Variants in EIF2AK3 observed in about 807,000 individuals in gnomAD.
EIF2AK3 encodes the protein eukaryotic translation initiation factor 2 alpha kinase 3.
EIF2AK3 carries 50 observed loss-of-function variants against 113.5 expected under a neutral mutation model. The observed-to-expected ratio is 0.44, with a 90% CI of 0.35 to 0.56. EIF2AK3 has a LOEUF of 0.56. Ranked by LOEUF, EIF2AK3 falls within the 20% of genes least tolerant of loss-of-function variation. EIF2AK3 has a pLI of 0.00. For synonymous variants in EIF2AK3, 448 were observed against 495.4 expected (o/e 0.90, Z 1.27); for missense variants, 1,185 against 1,378.0 (o/e 0.86, Z 2.22).
chr2:88,576,091 G>A (rs1674450207), intron 12 of EIF2AK3, among the ~76,000 whole-genome samples: 1 of 152,216 alleles, frequency 6.6e-6, no homozygotes, highest in Non-Finnish European at 1.5e-5. Context: ...AAAAGGAGCT[G>A]TAAATTGTTA....
Position 88,574,680 on chromosome 2 carries a change from G to C in EIF2AK3, c.2803C>G (p.His935Asp), listed in dbSNP as rs781534136. Residue 935 changes from histidine (H) to aspartate (D), a missense_variant, in exon 13 of 17, where the codon CAC (histidine) becomes GAC (aspartate). Around this residue, in one of 3 missense-constraint regions of EIF2AK3, gnomAD observed 877 missense variants for 1,024.2 expected, o/e 0.86. Transcript: ENST00000303236. ...VEFLHSKGLM[H>D]RDLKPSNIFF... ...CAAATACAGACCTTGAGGTCCCTGT[G>C]CATCAGTCCTTTACTGTGAAGAAAC... 1 of 1,614,108 alleles carries C rather than the reference G, an allele frequency of 6.2e-7. No individual in the cohort carries two copies. The highest frequency in any genetic ancestry group is 8.5e-7 in the Non-Finnish European group (1 of 1,179,990).
intron 12 of EIF2AK3, 23 bp from the exon 13 acceptor site, chr2:88,575,469 G>C (rs1304066721): frequency 1.2e-6 from 2 of 1,601,440 alleles, no homozygotes; most frequent in Non-Finnish European, 1.7e-6. Context: ...GAAATACAAA[G>C]GGGTAAGAGT....
Position 88,610,952 on chromosome 2 carries a change from TG to T in EIF2AK3, c.438+2771del, listed in dbSNP as rs577207558. Among the ~76,000 whole-genome samples, 13 of 152,168 alleles carry T rather than the reference TG, an allele frequency of 8.5e-5. No homozygotes were observed. In the South Asian group the frequency reaches 2.7e-3, roughly 32 times the overall value. ...CTGTAGTCCCAGCTACTCAGGAGGC[TG>T]AGGCAGGAGGATTGCTTGAGCCCAG... On this transcript the variant is annotated intron_variant, in intron 2 of 16. Coordinates refer to ENST00000303236, the MANE Select transcript of EIF2AK3 (RefSeq NM_004836.7).
chr2:88,590,779 G>A, intron 5 of EIF2AK3, 39 bp downstream of exon 5: 2 of 1,608,492 alleles, frequency 1.2e-6, no homozygotes, highest in Non-Finnish European at 1.7e-6. Context: ...GACTGGGAGA[G>A]GAAGAACCGT....
chr2:88,607,400 A>G (rs567360598), intron 2 of EIF2AK3, among the ~76,000 whole-genome samples: 2 of 152,348 alleles, frequency 1.3e-5, no homozygotes, highest in Admixed American at 6.5e-5. Context: ...TTAGAACCTA[A>G]GCACATCTGT....
In EIF2AK3 at chr2:88,576,591, G is replaced by C. The variant is rs1336637096; in HGVS notation, c.1999C>G (p.Gln667Glu). The stretch of plus-strand genomic sequence containing the variant: ...AGCCAAATTTCATCCATCTTTTCTT[G>C]CCACTTCTCTGGTGGTGCTTCGAGC... ...AWLEAPPEKW[Q>E]EKMDEIWLKD... The change falls in exon 12 of 17, where the codon CAA (glutamine) becomes GAA (glutamate). Residue 667 changes from glutamine to glutamate, a missense_variant. Transcript: ENST00000303236. 6.2e-7 allele frequency: 1 copy of C among 1,613,836 alleles called. No individual in the cohort carries two copies. The highest frequency in any genetic ancestry group is 1.1e-5 in the South Asian group (1 of 91,052).
At chr2:88,588,663 C>T in intron 7 of EIF2AK3, 98 bp downstream of exon 7, 2 of 1,230,614 alleles carry the variant, frequency 1.6e-6, no homozygotes, top group East Asian at 2.4e-5. Flanking sequence ...AAGTATATAA[C>T]AGTTCTTATC....
chr2:88,569,247 G>C (rs1414883524), intron 14 of EIF2AK3, among the ~76,000 whole-genome samples: 2 of 151,678 alleles, frequency 1.3e-5, no homozygotes, highest in Non-Finnish European at 2.9e-5. Flanking sequence ...TCACGCCTGT[G>C]ATCCCAGCAC....
intron 1 of EIF2AK3, among the ~76,000 whole-genome samples, chr2:88,615,207 C>A (rs1359901358): frequency 6.6e-6 from 1 of 152,218 alleles, no homozygotes; most frequent in African/African-American, 2.4e-5. Flanking sequence ...TCCACACTCC[C>A]ATCTACCGCC....
At chr2:88,573,450 C>T (rs763248341) in intron 13 of EIF2AK3, among the ~76,000 whole-genome samples, 3 of 152,134 alleles carry the variant, frequency 2.0e-5, no homozygotes, top group Non-Finnish European at 4.4e-5. Flanking sequence ...CTGTTTCCCA[C>T]CTAGTGATAA....
intron 1 of EIF2AK3, among the ~76,000 whole-genome samples, chr2:88,621,428 T>C (rs185630570): frequency 2.0e-5 from 3 of 152,350 alleles, no homozygotes. Context: ...ATGGATTAAA[T>C]AGTTTCTACA....
At chr2:88,603,126 A>G (rs908802956) in intron 2 of EIF2AK3, among the ~76,000 whole-genome samples, 1 of 152,186 alleles carries the variant, frequency 6.6e-6, no homozygotes, top group Admixed American at 6.5e-5. Flanking sequence ...TAAAATCAAG[A>G]TGTATCCATA....
At chr2:88,570,778 G>A (rs1261421200) in intron 14 of EIF2AK3, 96 bp downstream of exon 14, 1 of 1,480,714 alleles carries the variant, frequency 6.8e-7, no homozygotes, top group African/African-American at 1.4e-5. Context: ...AGACTTACTG[G>A]GTTTTAGATT....
intron 10 of EIF2AK3, 45 bp from the exon 11 acceptor site, chr2:88,579,685 A>G (rs1382474522): frequency 1.0e-5 from 16 of 1,584,164 alleles, no homozygotes; most frequent in Non-Finnish European, 1.3e-5. Context: ...ACAGTTTTAA[A>G]TTTTGTGGTA....
At chr2:88,558,030 T>G in intron 16 of EIF2AK3, 94 bp from the exon 17 acceptor site, 1 of 1,299,714 alleles carries the variant, frequency 7.7e-7, no homozygotes, top group Non-Finnish European at 1.1e-6. Context: ...TCTGTACATA[T>G]TTTAAGCTTT....
At chr2:88,586,301 A>G (rs1674730990) in intron 8 of EIF2AK3, among the ~76,000 whole-genome samples, 1 of 151,992 alleles carries the variant, frequency 6.6e-6, no homozygotes, top group East Asian at 1.9e-4. Flanking sequence ...ATAAGACTAG[A>G]AAAAAATCTT....
chr2:88,626,916 G>C (rs745974251), intron 1 of EIF2AK3, 51 bp downstream of exon 1: 2 of 1,599,018 alleles, frequency 1.3e-6, no homozygotes, highest in Non-Finnish European at 1.7e-6. Flanking sequence ...CGCATCCTCC[G>C]CGGCTCGCGC....
At chr2:88,615,327 C>G (rs957424906) in intron 1 of EIF2AK3, among the ~76,000 whole-genome samples, 1 of 152,216 alleles carries the variant, frequency 6.6e-6, no homozygotes, top group African/African-American at 2.4e-5. Flanking sequence ...CTAGAATATT[C>G]CCATCAGCAT....
chr2:88,574,641 A>C, intron 13 of EIF2AK3, 25 bp downstream of exon 13: 1 of 1,613,318 alleles, frequency 6.2e-7, no homozygotes. Context: ...TGAAACCCCA[A>C]GGGTGATGCT....
Sources: allele counts gnomAD v4.1 joint callset (sites outside exome capture counted in the v4.1 genomes callset), GRCh38; gene constraint gnomAD v4.1.1; regional missense constraint gnomAD v4.1.1; transcripts MANE v1.5; gene names NCBI Gene and HGNC (gene_info 2026-07-23, HGNC 2026-07-21).